The following EVC variants were observed in gnomAD, a reference collection of about 807,000 sequenced individuals.
The protein encoded by EVC is EvC ciliary complex subunit 1.
Under a neutral mutation model 118.9 loss-of-function variants are expected in EVC, and 116 were observed. The observed-to-expected ratio is 0.98, with a 90% CI of 0.84 to 1.14. The LOEUF is 1.14. EVC is among the 50% of genes most tolerant of loss of function. The pLI is 0.00. For synonymous variants in EVC, 619 were observed against 534.7 expected (o/e 1.16, Z -2.18); for missense variants, 1,401 against 1,246.4 (o/e 1.12, Z -1.87).
intron 11 of EVC, among the ~76,000 whole-genome samples, chr4:5,758,592 T>C (rs1342923415): frequency 2.6e-5 from 4 of 152,192 alleles, no homozygotes; most frequent in Non-Finnish European, 4.4e-5. Flanking sequence ...CTCACATCCC[T>C]GGCTGGGCAT....
chr4:5,825,789 C>T, the EVC span: 4 of 782,306 alleles, frequency 5.1e-6, no homozygotes, highest in African/African-American at 6.0e-5. The surrounding 1 kb of genome is among the most constrained non-coding windows in gnomAD (Gnocchi z 4.4). Context: ...CACACACACA[C>T]AACACGCACA....
In EVC at chr4:5,811,756, A is replaced by G. The variant is rs1716936709; in HGVS notation, c.*719A>G. On this transcript the variant is annotated 3_prime_UTR_variant, in exon 21 of 21. Coordinates refer to ENST00000264956, the MANE Select transcript of EVC (RefSeq NM_153717.3). ...CAGACCAGCCCCTCATACCACAGCCAAGAGGGGCCTTTCTCACCTGGAGAG... is the reference window on the plus strand; with the variant it reads ...CAGACCAGCCCCTCATACCACAGCCGAGAGGGGCCTTTCTCACCTGGAGAG... 1.3e-5 allele frequency: 2 copies of G among 150,996 alleles called. No homozygotes were observed. The highest frequency in any genetic ancestry group is 2.1e-4 in the South Asian group (1 of 4,856). 9.4% of individuals were successfully genotyped at this position (150,996 alleles called of 1,614,324 possible).
At chr4:5,722,209 G>A (rs1031880559) in intron 2 of EVC, among the ~76,000 whole-genome samples, 3 of 152,148 alleles carry the variant, frequency 2.0e-5, no homozygotes, top group Admixed American at 6.5e-5. Context: ...GAGTTAATGC[G>A]TGTGAACGTT....
intron 12 of EVC, among the ~76,000 whole-genome samples, chr4:5,785,564 G>C (rs935823415): frequency 1.3e-5 from 2 of 152,202 alleles, no homozygotes; most frequent in African/African-American, 4.8e-5. Flanking sequence ...CTGCCCGAAT[G>C]AATTCTTAGA....
chr4:5,814,511 A>G (rs1296835992), downstream of EVC, among the ~76,000 whole-genome samples: 1 of 151,956 alleles, frequency 6.6e-6, no homozygotes, highest in Non-Finnish European at 1.5e-5. Context: ...CGCCCATCAC[A>G]TGTTCTCCAA....
the EVC span, chr4:5,828,445 C>T: frequency 1.3e-6 from 2 of 1,598,234 alleles, no homozygotes; most frequent in Middle Eastern, 1.8e-4. Flanking sequence ...ACGCTGTCGG[C>T]TCTGGTCCCA....
chr4:5,748,227 G>C lies in EVC; in HGVS notation c.1019G>C (p.Arg340Pro). ...DQFKCSSSKARQLMMTLTERM... is the reference protein window; with the variant it reads ...DQFKCSSSKAPQLMMTLTERM... Reference sequence around the variant, plus strand: ...TTTAAGTGTTCCAGCTCCAAAGCCCGACAGCTGATGATGACTCTGACGGAA... The same window carrying C: ...TTTAAGTGTTCCAGCTCCAAAGCCCCACAGCTGATGATGACTCTGACGGAA... Residue 340 changes from arginine to proline, a missense_variant, in exon 8 of 21, where the codon CGA becomes CCA. By Grantham distance (103) the Arg-to-Pro change is moderately radical. Transcript: ENST00000264956. The C allele has an allele frequency of 2.5e-6, 4 of 1,614,138 alleles. No homozygotes were observed. Among genetic ancestry groups the C allele is most frequent in the Non-Finnish European group, 3.4e-6 (4 of 1,180,026 alleles).
chr4:5,722,183 C>T (rs186967295), intron 2 of EVC, among the ~76,000 whole-genome samples: 2 of 152,254 alleles, frequency 1.3e-5, no homozygotes, highest in Non-Finnish European at 2.9e-5. Flanking sequence ...CTGCCATTCC[C>T]GAGTCACCCA....
intron 5 of EVC, among the ~76,000 whole-genome samples, chr4:5,736,611 G>A (rs1727733582): frequency 6.7e-6 from 1 of 148,318 alleles, no homozygotes; most frequent in African/African-American, 2.5e-5. Context: ...TCATGTCTTT[G>A]TGTGACATTT....
At chr4:5,753,291 C>T (rs1408137910) in intron 9 of EVC, among the ~76,000 whole-genome samples, 1 of 152,252 alleles carries the variant, frequency 6.6e-6, no homozygotes, top group Non-Finnish European at 1.5e-5. Flanking sequence ...GCTGCACTCA[C>T]TCACCAGGGA....
At chr4:5,775,735 G>A (rs544327100) in intron 11 of EVC, among the ~76,000 whole-genome samples, 3 of 152,288 alleles carry the variant, frequency 2.0e-5, no homozygotes, top group African/African-American at 7.2e-5. Flanking sequence ...ACTGGCTGAC[G>A]TGAACTTTCT....
At chr4:5,728,926 A>G (rs1204698418) in intron 2 of EVC, among the ~76,000 whole-genome samples, 1 of 152,176 alleles carries the variant, frequency 6.6e-6, no homozygotes, top group Non-Finnish European at 1.5e-5. Flanking sequence ...TTGTCTGTTC[A>G]TCCATCTGTC....
At chr4:5,821,863 C>T in the EVC span, 27 of 1,547,904 alleles carry the variant, frequency 1.7e-5, no homozygotes, top group African/African-American at 1.0e-4. The surrounding 1 kb of genome is among the most constrained non-coding windows in gnomAD (Gnocchi z 4.4). Context: ...TGAAAGAGAG[C>T]GCCAATCGCT....
In EVC at chr4:5,711,428, G is replaced by A. The variant is rs1722991126; in HGVS notation, c.48G>A (p.Leu16=). ...GCAAGAGCGACGCGCGGCTGCTGCT[G>A]GGGCGGGACGCGCTGCGGCCGGCGC... is the stretch of plus-strand genomic sequence containing the variant. ...AACKSDARLL[L]GRDALRPAPA... The change falls in exon 1 of 21, where the codon CTG becomes CTA. Residue 16 remains leucine (L), a synonymous_variant. Coordinates refer to ENST00000264956, the MANE Select transcript of EVC (RefSeq NM_153717.3). 2.0e-6 allele frequency: 2 copies of A among 1,024,224 alleles called. No homozygotes were observed. Among genetic ancestry groups the A allele is most frequent in the Non-Finnish European group, 2.3e-6 (2 of 858,252 alleles). 63.4% of individuals were successfully genotyped at this position (1,024,224 alleles called of 1,614,324 possible).
the EVC span, among the ~76,000 whole-genome samples, chr4:5,823,802 T>TTTAA: frequency 6.6e-6 from 1 of 152,178 alleles, no homozygotes; most frequent in Non-Finnish European, 1.5e-5. Context: ...AGTAAACCTC[T>TTTAA]TTAATTACCC....
At chr4:5,828,732 C>A in the EVC span, 1 of 1,557,692 alleles carries the variant, frequency 6.4e-7, no homozygotes, top group Non-Finnish European at 8.7e-7. Context: ...CTGTTCATAA[C>A]AGCGATTTTG....
At chr4:5,780,158 A>G (rs1735361026) in intron 11 of EVC, among the ~76,000 whole-genome samples, 1 of 152,180 alleles carries the variant, frequency 6.6e-6, no homozygotes, top group South Asian at 2.1e-4. Flanking sequence ...TGATTTGCGT[A>G]TATTGAACCA....
chr4:5,809,379 A>T (rs2152391420), intron 18 of EVC, 139 bp from the exon 19 acceptor site: 1 of 737,010 alleles, frequency 1.4e-6, no homozygotes, highest in South Asian at 1.5e-5. Context: ...TCTGGGATGT[A>T]TGTTGGAAAA....
At chr4:5,824,299 C>T in the EVC span, 1 of 985,222 alleles carries the variant, frequency 1.0e-6, no homozygotes, top group Admixed American at 6.2e-5. Flanking sequence ...TTTTAGCATT[C>T]TATTTAGGGT....
Sources: allele counts gnomAD v4.1 joint callset (sites outside exome capture counted in the v4.1 genomes callset), GRCh38; gene constraint gnomAD v4.1.1; non-coding constraint Gnocchi (gnomAD v3.1); transcripts MANE v1.5; gene names NCBI Gene and HGNC (gene_info 2026-07-23, HGNC 2026-07-21).